The following CNTNAP2 variants were observed in gnomAD, a reference collection of about 807,000 sequenced individuals.
The protein encoded by CNTNAP2 is contactin associated protein 2.
A neutral mutation model predicts 155.2 loss-of-function variants in CNTNAP2; 98 were observed. That is an observed-to-expected ratio of 0.63 (90% confidence interval 0.54 to 0.75). CNTNAP2 has a LOEUF of 0.75. CNTNAP2 is among the 30% of genes least tolerant of loss of function. The probability of loss-of-function intolerance (pLI) is 0.00; values close to 1 mark genes in which losing one functional copy is unlikely to be tolerated. For synonymous variants in CNTNAP2, 651 were observed against 631.2 expected, an observed-to-expected ratio of 1.03 and a Z score of -0.47; for missense variants, 1,727 against 1,688.1, an observed-to-expected ratio of 1.02 and a Z score of -0.40.
At chr7:147,983,147 A>G (rs910699832) in intron 15 of CNTNAP2, among the ~76,000 whole-genome samples, 1 of 152,156 alleles carries the variant, frequency 6.6e-6, no homozygotes, top group Non-Finnish European at 1.5e-5. Flanking sequence ...TCAGAAGATA[A>G]TACCCACGAG....
chr7:146,170,810 G>A (rs573343259), intron 1 of CNTNAP2, among the ~76,000 whole-genome samples: 8 of 152,090 alleles, frequency 5.3e-5, no homozygotes, highest in South Asian at 2.1e-4. Context: ...GGCGGATCAC[G>A]AGGTCAGGAG....
chr7:147,004,685 A>T (rs1467410657), intron 3 of CNTNAP2, among the ~76,000 whole-genome samples: 1 of 152,052 alleles, frequency 6.6e-6, no homozygotes, highest in Non-Finnish European at 1.5e-5. Context: ...TGATAAGAGA[A>T]TATTTACACT....
intron 3 of CNTNAP2, among the ~76,000 whole-genome samples, chr7:147,005,132 A>C (rs1798502558): frequency 6.6e-6 from 1 of 152,036 alleles, no homozygotes; most frequent in African/African-American, 2.4e-5. Context: ...AATGATCCAA[A>C]ATATATGGTA....
At chr7:147,923,318 C>G (rs1162353186) in intron 14 of CNTNAP2, among the ~76,000 whole-genome samples, 1 of 152,098 alleles carries the variant, frequency 6.6e-6, no homozygotes. Flanking sequence ...AGGAAAGACA[C>G]AGGGACAGAC....
chr7:147,033,638 T>C (rs1799088004), intron 3 of CNTNAP2, among the ~76,000 whole-genome samples: 1 of 152,010 alleles, frequency 6.6e-6, no homozygotes, highest in Non-Finnish European at 1.5e-5. Flanking sequence ...TTATATTCAT[T>C]TACTTAAGCA....
At chr7:148,240,608 A>C (rs943498227) in intron 20 of CNTNAP2, among the ~76,000 whole-genome samples, 1 of 152,198 alleles carries the variant, frequency 6.6e-6, no homozygotes, top group Non-Finnish European at 1.5e-5. Flanking sequence ...GCTCTCTAGC[A>C]GGACAGAACT....
At chr7:146,920,288 C>T (rs1796475883) in intron 3 of CNTNAP2, among the ~76,000 whole-genome samples, 1 of 151,930 alleles carries the variant, frequency 6.6e-6, no homozygotes, top group South Asian at 2.1e-4. Flanking sequence ...GTGGCAGGTG[C>T]CTGTAATCTC....
chr7:147,686,832 G>C (rs1006472154), intron 13 of CNTNAP2, among the ~76,000 whole-genome samples: 1 of 151,580 alleles, frequency 6.6e-6, no homozygotes, highest in African/African-American at 2.4e-5. Flanking sequence ...AAGGGAAAAG[G>C]ACAGTAGATA....
chr7:148,188,540 G>A (rs761268903), intron 18 of CNTNAP2, among the ~76,000 whole-genome samples: 1 of 152,202 alleles, frequency 6.6e-6, no homozygotes, highest in Non-Finnish European at 1.5e-5. Flanking sequence ...CCTAAAGCCA[G>A]CAGGTCTGCA....
At chr7:147,978,410 C>T (rs1801468340) in intron 15 of CNTNAP2, among the ~76,000 whole-genome samples, 1 of 151,950 alleles carries the variant, frequency 6.6e-6, no homozygotes, top group African/African-American at 2.4e-5. Flanking sequence ...TCATTGTAAA[C>T]TTGGATTATG....
intron 21 of CNTNAP2, among the ~76,000 whole-genome samples, chr7:148,282,581 T>G (rs1219089218): frequency 6.6e-6 from 1 of 152,182 alleles, no homozygotes; most frequent in Non-Finnish European, 1.5e-5. Context: ...AATCTTTGAC[T>G]TTTAGCTAAT....
chr7:148,371,450 CT>C (rs1431854563), intron 21 of CNTNAP2, among the ~76,000 whole-genome samples: 8 of 152,158 alleles, frequency 5.3e-5, no homozygotes, highest in Non-Finnish European at 2.9e-5. Context: ...ATAATGTCCT[CT>C]TGAGTGGAGC....
At chr7:146,408,891 C>T (rs1262884493) in intron 1 of CNTNAP2, among the ~76,000 whole-genome samples, 2 of 151,854 alleles carry the variant, frequency 1.3e-5, no homozygotes, top group East Asian at 1.9e-4. Context: ...TCCTTGCACT[C>T]ATGTGGGCCT....
At chr7:147,623,860 A>G (rs1794915221) in intron 12 of CNTNAP2, among the ~76,000 whole-genome samples, 1 of 152,164 alleles carries the variant, frequency 6.6e-6, no homozygotes, top group African/African-American at 2.4e-5. Context: ...CCTAACTTCA[A>G]ATTATGCTAC....
Position 146,491,448 on chromosome 7 carries a change from T to G in CNTNAP2, c.98-282823T>G, listed in dbSNP as rs529251827. Reference sequence around the variant, plus strand: ...GTTTTATTGCCTTTAATATATTGTATTTTTTTTTCTTATGGGGACTTTTGC... The same window carrying G: ...GTTTTATTGCCTTTAATATATTGTAGTTTTTTTTCTTATGGGGACTTTTGC... On this transcript the variant is annotated intron_variant, in intron 1 of 23. Transcript: ENST00000361727. 4.7e-4 allele frequency among the ~76,000 whole-genome samples: 72 copies of G among 151,614 alleles called. 1 individual carries two copies. In the South Asian group the frequency reaches 0.01, roughly 22 times the overall value.
intron 3 of CNTNAP2, among the ~76,000 whole-genome samples, chr7:146,866,705 C>A (rs1316157365): frequency 1.3e-5 from 2 of 152,096 alleles, no homozygotes; most frequent in South Asian, 2.1e-4. Context: ...TGGAAGAAAT[C>A]CATGTACTTT....
chr7:146,930,760 A>G (rs967467710), intron 3 of CNTNAP2, among the ~76,000 whole-genome samples: 1 of 152,146 alleles, frequency 6.6e-6, no homozygotes, highest in Non-Finnish European at 1.5e-5. Context: ...GCAAATGGAA[A>G]ACAAAAAAAG....
intron 2 of CNTNAP2, among the ~76,000 whole-genome samples, chr7:146,822,088 A>C (rs1054217669): frequency 6.6e-6 from 1 of 152,220 alleles, no homozygotes; most frequent in Admixed American, 6.5e-5. Flanking sequence ...TCCAGCAACG[A>C]TAGACTGGAT....
At chr7:148,283,649 T>A (rs969108842) in intron 21 of CNTNAP2, among the ~76,000 whole-genome samples, 43 of 114,242 alleles carry the variant, frequency 3.8e-4, no homozygotes, top group African/African-American at 1.7e-3. Flanking sequence ...TTCAGTGCCA[T>A]TTTTTTTGCA....
Sources: allele counts gnomAD v4.1 joint callset (sites outside exome capture counted in the v4.1 genomes callset), GRCh38; gene constraint gnomAD v4.1.1; transcripts MANE v1.5; gene names NCBI Gene and HGNC (gene_info 2026-07-23, HGNC 2026-07-21).